PRKCA: variants seen among roughly 807,000 people sequenced by gnomAD.
PRKCA encodes the protein protein kinase C alpha.
A neutral mutation model predicts 87.0 loss-of-function variants in PRKCA; 27 were observed. The ratio of observed to expected loss-of-function variants is 0.31; its 90% CI spans 0.23 to 0.43. The LOEUF (loss-of-function observed/expected upper bound fraction) is 0.43, where lower values mean the gene tolerates loss of function less well. Among genes scored for constraint, PRKCA ranks in the 20% least tolerant of loss-of-function variants. The pLI is 1.00. For missense variants in PRKCA, 518 were observed against 852.3 expected, an observed-to-expected ratio of 0.61 and a Z score of 4.88; for synonymous variants, 329 against 311.1, an observed-to-expected ratio of 1.06 and a Z score of -0.61.
chr17:66,675,358 G>C (rs11650604), intron 5 of PRKCA, among the ~76,000 whole-genome samples: 16,072 of 152,144 alleles, frequency 0.11, 918 homozygotes, highest in Middle Eastern at 0.17. Flanking sequence ...CATCGCCTTG[G>C]GGGTTAGGAT....
rs370054331 is a variant in PRKCA at position 66,642,356 on chromosome 17, C to T, written c.400+890C>T. 6.6e-5 allele frequency among the ~76,000 whole-genome samples: 10 copies of T among 152,200 alleles called. No homozygotes were observed. The East Asian group carries it at 1.5e-3, about 24-fold the overall frequency. ...GTGTTAGCCAGGATAGTCTCGATCT[C>T]CTGACCTCGTGATCCGCCCGCCTCG... is the stretch of plus-strand genomic sequence containing the variant. On this transcript the variant is annotated intron_variant, in intron 4 of 16. Transcript: ENST00000413366.
At chr17:66,778,289 G>A (rs1172042284) in intron 14 of PRKCA, 18 of 844,686 alleles carry the variant, frequency 2.1e-5, no homozygotes, top group Middle Eastern at 6.0e-4. Flanking sequence ...CGAGGCGGGC[G>A]GATCACGAGG....
At position 66,426,099 on chromosome 17, in the gene PRKCA, A is replaced by C. The variant is rs567233907; in HGVS notation, c.206-70102A>C. The stretch of plus-strand genomic sequence containing the variant: ...GTGTCTACCAGCATTAGAAAATGAG[A>C]AAAGTGTCATTATTTGCAGGAACAT... On this transcript the variant is annotated intron_variant, in intron 2 of 16. Coordinates refer to ENST00000413366, the MANE Select transcript of PRKCA (RefSeq NM_002737.3). 5.3e-5 allele frequency among the ~76,000 whole-genome samples: 8 copies of C among 152,276 alleles called. No individual in the cohort carries two copies. In the South Asian group the frequency reaches 1.7e-3, roughly 32 times the overall value.
At chr17:66,715,624 A>G (rs569487917) in intron 8 of PRKCA, among the ~76,000 whole-genome samples, 2 of 152,298 alleles carry the variant, frequency 1.3e-5, no homozygotes, top group South Asian at 4.1e-4. Flanking sequence ...GAGATCTTAA[A>G]ACCCACTTTT....
chr17:66,702,357 T>C (rs1434172014), intron 8 of PRKCA, among the ~76,000 whole-genome samples: 1 of 152,154 alleles, frequency 6.6e-6, no homozygotes, highest in East Asian at 1.9e-4. Flanking sequence ...TTTTCACTTA[T>C]ATGTGGAATC....
chr17:66,380,407 C>T (rs1371518990), intron 2 of PRKCA, among the ~76,000 whole-genome samples: 3 of 152,048 alleles, frequency 2.0e-5, no homozygotes, highest in Non-Finnish European at 2.9e-5. Flanking sequence ...TTAGATACCT[C>T]ATGGGGTTCT....
At chr17:66,384,818 G>T (rs1297770721) in intron 2 of PRKCA, among the ~76,000 whole-genome samples, 1 of 152,030 alleles carries the variant, frequency 6.6e-6, no homozygotes, top group Admixed American at 6.6e-5. Context: ...TTTTAGTAGA[G>T]ACGGGGTTTC....
intron 14 of PRKCA, among the ~76,000 whole-genome samples, chr17:66,780,798 C>T (rs1183715146): frequency 6.6e-6 from 1 of 152,096 alleles, no homozygotes; most frequent in African/African-American, 2.4e-5. Context: ...CACCATATTA[C>T]ATAATTTTCG....
chr17:66,778,079 C>T (rs1291390928), intron 14 of PRKCA: 19 of 985,308 alleles, frequency 1.9e-5, no homozygotes, highest in Non-Finnish European at 2.3e-5. Context: ...CTACTAAGCT[C>T]ACGCCCCCTG....
Position 66,537,916 on chromosome 17 carries a change from G to A in PRKCA, c.288+41633G>A, listed in dbSNP as rs141463984. ...CACCTCCTGGGTTTAAGGGGTTCTC[G>A]TGCCTCAGCTTCCCGAGTGGCTGGG... On this transcript the variant is annotated intron_variant, in intron 3 of 16. Coordinates refer to ENST00000413366, the MANE Select transcript of PRKCA (RefSeq NM_002737.3). 4.5e-3 allele frequency among the ~76,000 whole-genome samples: 685 copies of A among 152,050 alleles called. 3 individuals carry two copies. The highest frequency in any genetic ancestry group is 0.017 in the South Asian group (81 of 4,800).
intron 2 of PRKCA, among the ~76,000 whole-genome samples, chr17:66,390,222 CA>C (rs1910285499): frequency 1.7e-5 from 1 of 58,200 alleles, no homozygotes. Flanking sequence ...AACTCAGTCT[CA>C]AAAAAGAAAA....
intron 3 of PRKCA, among the ~76,000 whole-genome samples, chr17:66,602,839 G>T (rs369002526): frequency 6.6e-6 from 1 of 152,112 alleles, no homozygotes; most frequent in Non-Finnish European, 1.5e-5. Context: ...GTGCGCTGTG[G>T]GGGAGCCATG....
chr17:66,695,853 A>G (rs1458807180), intron 8 of PRKCA, among the ~76,000 whole-genome samples: 1 of 152,370 alleles, frequency 6.6e-6, no homozygotes, highest in South Asian at 2.1e-4. Context: ...GATGGATAAT[A>G]TATCACATAT....
chr17:66,360,267 G>C (rs1290999263), intron 2 of PRKCA, among the ~76,000 whole-genome samples: 1 of 152,170 alleles, frequency 6.6e-6, no homozygotes, highest in South Asian at 2.1e-4. Flanking sequence ...ATTGGCTGAG[G>C]GGGTGACAGT....
chr17:66,399,964 C>G (rs936238589), intron 2 of PRKCA, among the ~76,000 whole-genome samples: 2 of 152,108 alleles, frequency 1.3e-5, no homozygotes, highest in African/African-American at 4.8e-5. Flanking sequence ...CTGAAATGCT[C>G]TAATGAGCAT....
At chr17:66,606,156 G>A (rs1487748011) in intron 3 of PRKCA, among the ~76,000 whole-genome samples, 4 of 152,198 alleles carry the variant, frequency 2.6e-5, no homozygotes, top group Admixed American at 2.0e-4. Context: ...TTGGGAGGCT[G>A]AGGTGGGCGG....
At chr17:66,683,611 G>T (rs1223566155) in intron 5 of PRKCA, among the ~76,000 whole-genome samples, 2 of 152,020 alleles carry the variant, frequency 1.3e-5, no homozygotes, top group Admixed American at 6.6e-5. Flanking sequence ...TTTTTGGGGG[G>T]GTCGGGGGGA....
chr17:66,468,970 C>G (rs899026652), intron 2 of PRKCA, among the ~76,000 whole-genome samples: 3 of 152,204 alleles, frequency 2.0e-5, no homozygotes, highest in Non-Finnish European at 2.9e-5. Flanking sequence ...CCACCACTTT[C>G]AACTGTAGAC....
chr17:66,742,610 G>C lies in PRKCA; in HGVS notation c.1386-12G>C. On this transcript the variant is annotated splice_polypyrimidine_tract_variant and intron_variant, in intron 12 of 16. Transcript: ENST00000413366. ...ATGGGAAGGACTCTGATGTTAACCC[G>C]GTTCCTTGCAGGGATCTGAAGTTAG... 7 of 1,613,244 alleles carry C rather than the reference G, an allele frequency of 4.3e-6. No individual in the cohort carries two copies. The highest frequency in any genetic ancestry group is 5.9e-6 in the Non-Finnish European group (7 of 1,179,634).
Sources: gnomAD v4.1 joint callset for allele counts (sites outside exome capture counted in the v4.1 genomes callset) on GRCh38, gnomAD v4.1.1 for gene constraint, MANE v1.5 for transcripts, NCBI Gene and HGNC (gene_info 2026-07-23, HGNC 2026-07-21) for gene names.